Variants in DIAPH2 observed in about 807,000 individuals in gnomAD.
DIAPH2 encodes the protein protein diaphanous homolog 2.
A neutral mutation model predicts 92.7 loss-of-function variants in DIAPH2; 35 were observed. The observed-to-expected ratio is 0.38, with a 90% CI of 0.29 to 0.50. The LOEUF (loss-of-function observed/expected upper bound fraction) is 0.50. Among genes scored for constraint, DIAPH2 ranks in the 20% least tolerant of loss-of-function variants. The pLI, the probability that DIAPH2 is intolerant of heterozygous loss-of-function variation, is 0.94. For missense variants in DIAPH2, 701 were observed against 819.5 expected, an observed-to-expected ratio of 0.86 and a Z score of 1.77; for synonymous variants, 301 against 280.4, an observed-to-expected ratio of 1.07 and a Z score of -0.73.
chrX:97,003,524 A>G (rs1410152165), intron 17 of DIAPH2, among the ~76,000 whole-genome samples: 4 of 112,103 alleles, frequency 3.6e-5, no homozygotes, highest in African/African-American at 1.3e-4. Context: ...ATATCTGATT[A>G]TAGTTTTGAT....
intron 26 of DIAPH2, among the ~76,000 whole-genome samples, chrX:97,520,035 A>G (rs1444380698): frequency 8.9e-6 from 1 of 111,754 alleles, no homozygotes; most frequent in African/African-American, 3.2e-5. Flanking sequence ...TGTTCTTTCC[A>G]TACATTCATT....
At position 96,759,316 on chromosome X, in the gene DIAPH2, T is replaced by C. The variant is rs192393334; in HGVS notation, c.447+1058T>C. ...ATTCTACGATTGTATTGATTCTATA[T>C]TGTACTTGAAACAAGCTAAATCTGA... On this transcript the variant is annotated intron_variant, in intron 4 of 26. Transcript: ENST00000324765. Among the ~76,000 whole-genome samples, 11 of 111,884 alleles carry C rather than the reference T, an allele frequency of 9.8e-5. No homozygotes were observed. The East Asian group carries it at 2.8e-3, about 28-fold the overall frequency.
intron 5 of DIAPH2, among the ~76,000 whole-genome samples, chrX:96,903,330 A>G (rs749789745): frequency 8.9e-6 from 1 of 111,749 alleles, no homozygotes; most frequent in East Asian, 2.8e-4. Flanking sequence ...TGCAGGGCTT[A>G]TGGATTGGGA....
chrX:97,184,232 A>G (rs1010435282), intron 22 of DIAPH2, among the ~76,000 whole-genome samples: 1 of 111,317 alleles, frequency 9.0e-6, no homozygotes, highest in Non-Finnish European at 1.9e-5. Flanking sequence ...CTCCCTCTCA[A>G]TTCTCAATTT....
intron 23 of DIAPH2, among the ~76,000 whole-genome samples, chrX:97,265,325 A>G (rs1045814966): frequency 8.9e-6 from 1 of 112,096 alleles, no homozygotes; most frequent in East Asian, 2.8e-4. Flanking sequence ...AAGAGAGTCA[A>G]ATATTTCCTA....
intron 17 of DIAPH2, among the ~76,000 whole-genome samples, chrX:96,973,194 G>GA (rs2065937910): frequency 1.8e-5 from 2 of 111,651 alleles, no homozygotes; most frequent in Non-Finnish European, 3.8e-5. Context: ...GAAAATATTT[G>GA]AAAAAAATTA....
intron 23 of DIAPH2, among the ~76,000 whole-genome samples, chrX:97,264,426 GAC>G (rs1203217203): frequency 1.8e-5 from 2 of 109,620 alleles, no homozygotes; most frequent in African/African-American, 6.7e-5. Context: ...CTCATGCATA[GAC>G]ACACAGACAC....
chrX:97,307,351 TTGTC>T (rs1195295082), intron 23 of DIAPH2, among the ~76,000 whole-genome samples: 2 of 111,805 alleles, frequency 1.8e-5, no homozygotes, highest in Non-Finnish European at 1.9e-5. Flanking sequence ...GTTGTACCCT[TTGTC>T]TGAAACACTC....
intron 23 of DIAPH2, among the ~76,000 whole-genome samples, chrX:97,337,463 A>T (rs1428225964): frequency 3.6e-5 from 4 of 110,883 alleles, no homozygotes; most frequent in Non-Finnish European, 7.6e-5. Context: ...TGGTTTTATC[A>T]CTGTCTGGCA....
chrX:97,220,376 A>G (rs1327244482), intron 22 of DIAPH2, among the ~76,000 whole-genome samples: 2 of 110,855 alleles, frequency 1.8e-5, no homozygotes, highest in African/African-American at 3.3e-5. Context: ...AGAAAAAAAA[A>G]AAAAAGAAAA....
intron 26 of DIAPH2, among the ~76,000 whole-genome samples, chrX:97,566,922 A>G (rs1282178442): frequency 8.9e-6 from 1 of 111,977 alleles, no homozygotes; most frequent in African/African-American, 3.2e-5. Flanking sequence ...TAATGTGTGT[A>G]TGTTGACATC....
intron 3 of DIAPH2, among the ~76,000 whole-genome samples, chrX:96,740,735 A>G (rs886790026): frequency 9.0e-6 from 1 of 111,412 alleles, no homozygotes. Context: ...TAGCCTCCCA[A>G]CTGGTCTTCC....
intron 3 of DIAPH2, among the ~76,000 whole-genome samples, chrX:96,746,341 C>T (rs1186081482): frequency 1.8e-5 from 2 of 111,635 alleles, no homozygotes; most frequent in African/African-American, 6.5e-5. Flanking sequence ...GGTTCTTTTA[C>T]TAAAGTTTTC....
At chrX:97,435,996 G>A (rs757838273) in intron 26 of DIAPH2, among the ~76,000 whole-genome samples, 3 of 109,976 alleles carry the variant, frequency 2.7e-5, no homozygotes, top group South Asian at 7.8e-4. Context: ...TAGTAGAGGC[G>A]GGGTTTCACC....
At chrX:97,595,157 C>T (rs1396314728) in intron 26 of DIAPH2, among the ~76,000 whole-genome samples, 1 of 111,891 alleles carries the variant, frequency 8.9e-6, no homozygotes, top group Non-Finnish European at 1.9e-5. Context: ...ACAAAGTCTT[C>T]GGTAAGAAGG....
chrX:96,716,025 A>G (rs370364724), intron 1 of DIAPH2, among the ~76,000 whole-genome samples: 2 of 109,999 alleles, frequency 1.8e-5, no homozygotes, highest in African/African-American at 6.6e-5. Context: ...TCTTTCAGTC[A>G]TCTGGTTAGG....
At chrX:97,031,085 T>G (rs964414511) in intron 17 of DIAPH2, among the ~76,000 whole-genome samples, 1 of 111,323 alleles carries the variant, frequency 9.0e-6, no homozygotes, top group African/African-American at 3.3e-5. Flanking sequence ...TTTATACTTG[T>G]TCTGGCTTTT....
chrX:96,817,619 A>G (rs969451080), intron 4 of DIAPH2, among the ~76,000 whole-genome samples: 1 of 111,161 alleles, frequency 9.0e-6, no homozygotes, highest in African/African-American at 3.3e-5. Context: ...ACGGTTCTGG[A>G]GGCTGGAAGT....
intron 26 of DIAPH2, among the ~76,000 whole-genome samples, chrX:97,595,416 C>CATCT (rs2071543885): frequency 8.9e-6 from 1 of 111,960 alleles, no homozygotes; most frequent in Non-Finnish European, 1.9e-5. Flanking sequence ...AAAGCCTTGA[C>CATCT]ATCTGTTTGA....
Sources: allele counts gnomAD v4.1 joint callset (sites outside exome capture counted in the v4.1 genomes callset), GRCh38; gene constraint gnomAD v4.1.1; transcripts MANE v1.5; gene names NCBI Gene and HGNC (gene_info 2026-07-23, HGNC 2026-07-21).